Variants in AGBL4 observed in about 807,000 individuals in gnomAD.
AGBL4 encodes the protein AGBL carboxypeptidase 4, also known as cytosolic carboxypeptidase 6.
A neutral mutation model predicts 66.4 loss-of-function variants in AGBL4; 58 were observed. The ratio of observed to expected loss-of-function variants is 0.87; its 90% CI spans 0.71 to 1.09. The LOEUF (loss-of-function observed/expected upper bound fraction) is 1.09. Ranked by LOEUF, AGBL4 falls within the 50% of genes least tolerant of loss-of-function variation. The pLI is 0.00. For missense variants in AGBL4, 579 were observed against 631.0 expected (o/e 0.92, Z 0.88); for synonymous variants, 234 against 222.9 (o/e 1.05, Z -0.44).
chr1:49,979,983 T>C, intron 1 of AGBL4, among the ~76,000 whole-genome samples: 1 of 152,348 alleles, frequency 6.6e-6, no homozygotes, highest in Middle Eastern at 3.4e-3. Flanking sequence ...AGTATAGTAT[T>C]ATAAATGTAT....
At chr1:49,386,265 ATGTGTGTGTGTG>A (rs35497867) in intron 3 of AGBL4, among the ~76,000 whole-genome samples, 3 of 148,500 alleles carry the variant, frequency 2.0e-5, no homozygotes, top group Non-Finnish European at 4.5e-5. Flanking sequence ...GGATGGATGG[ATGTGTGTGTGTG>A]TGTGTGTGTG....
chr1:49,816,653 A>G (rs1449480782), intron 2 of AGBL4, among the ~76,000 whole-genome samples: 1 of 152,204 alleles, frequency 6.6e-6, no homozygotes, highest in Non-Finnish European at 1.5e-5. Flanking sequence ...ACAGAAAAGA[A>G]GGTATCAAGA....
Position 49,962,395 on chromosome 1 carries a change from T to C in AGBL4, c.34+61368A>G, listed in dbSNP as rs558560509. Among the ~76,000 whole-genome samples, 30 of 152,238 alleles carry C rather than the reference T, an allele frequency of 2.0e-4. 1 individual carries two copies. The highest frequency in any genetic ancestry group is 1.2e-3 in the South Asian group (6 of 4,830). ...TAACAGCAGCTTACATCAGGATAAA[T>C]AAAATACTTTTTCAAAGTGTGGGGC... On this transcript the variant is annotated intron_variant, in intron 1 of 13. Coordinates refer to ENST00000371839, the MANE Select transcript of AGBL4 (RefSeq NM_032785.4).
intron 2 of AGBL4, chr1:49,841,957 T>C: frequency 3.6e-6 from 2 of 561,578 alleles, no homozygotes; most frequent in Non-Finnish European, 6.5e-6. Context: ...GTCCTCCACC[T>C]CGTACCTGGC....
chr1:49,395,834 TATATATATATATATACACACATAA>T (rs1644959178), intron 3 of AGBL4, among the ~76,000 whole-genome samples: 1 of 72,744 alleles, frequency 1.4e-5, no homozygotes, highest in Non-Finnish European at 2.6e-5. Context: ...TATATGTGTA[TATATATATATATATACACACATAA>T]ATATATATAT....
intron 4 of AGBL4, among the ~76,000 whole-genome samples, chr1:49,047,063 C>T: frequency 6.6e-6 from 1 of 152,094 alleles, no homozygotes; most frequent in East Asian, 1.9e-4. Context: ...TTATAACATA[C>T]TAGTGTTTGT....
chr1:49,553,018 T>C (rs903600113), intron 3 of AGBL4, among the ~76,000 whole-genome samples: 1 of 152,188 alleles, frequency 6.6e-6, no homozygotes, highest in Non-Finnish European at 1.5e-5. Flanking sequence ...AAGTTTTTTA[T>C]TGTCAATGTA....
intron 5 of AGBL4, among the ~76,000 whole-genome samples, chr1:49,027,517 T>C (rs1210707985): frequency 6.6e-6 from 1 of 152,114 alleles, no homozygotes; most frequent in African/African-American, 2.4e-5. Flanking sequence ...ATTTGAACCA[T>C]GACCTGCTCA....
intron 5 of AGBL4, among the ~76,000 whole-genome samples, chr1:48,968,422 C>T (rs1292744771): frequency 6.6e-6 from 1 of 152,088 alleles, no homozygotes; most frequent in Non-Finnish European, 1.5e-5. Flanking sequence ...GGGGCATAGA[C>T]TGCAGAGGGC....
chr1:48,680,473 T>C (rs547964622), intron 6 of AGBL4, among the ~76,000 whole-genome samples: 1 of 152,320 alleles, frequency 6.6e-6, no homozygotes, highest in African/African-American at 2.4e-5. Flanking sequence ...TGCTAGAAGC[T>C]GACCTTGTAC....
intron 2 of AGBL4, among the ~76,000 whole-genome samples, chr1:49,840,111 T>C (rs1343331725): frequency 6.6e-6 from 1 of 152,170 alleles, no homozygotes; most frequent in Non-Finnish European, 1.5e-5. Context: ...GGTTTTTTTT[T>C]GGTTGGTAGT....
chr1:49,643,283 C>T (rs1645820070), intron 3 of AGBL4, among the ~76,000 whole-genome samples: 1 of 151,218 alleles, frequency 6.6e-6, no homozygotes, highest in Non-Finnish European at 1.5e-5. Flanking sequence ...AAAGAAGTTA[C>T]TCAGAGTAAT....
rs554962680 is a variant in AGBL4, at chr1:49,959,744, C to T, written c.34+64019G>A. On this transcript the variant is annotated intron_variant, in intron 1 of 13. Transcript: ENST00000371839. ...GACACATGCATACATATATTCATTG[C>T]AACACTATTCACAATAGCAAAGACA... Among the ~76,000 whole-genome samples, 11 of 152,158 alleles carry T rather than the reference C, an allele frequency of 7.2e-5. No individual in the cohort carries two copies. The South Asian group carries it at 2.1e-3, about 29-fold the overall frequency.
At chr1:49,977,526 A>G (rs1402720380) in intron 1 of AGBL4, among the ~76,000 whole-genome samples, 2 of 152,258 alleles carry the variant, frequency 1.3e-5, no homozygotes, top group East Asian at 1.9e-4. Flanking sequence ...GTATGTGAGG[A>G]CAGCATTTCC....
intron 3 of AGBL4, among the ~76,000 whole-genome samples, chr1:49,687,503 G>A (rs532093240): frequency 6.6e-6 from 1 of 152,124 alleles, no homozygotes; most frequent in Non-Finnish European, 1.5e-5. Context: ...AGAGCACAAC[G>A]GTTCATGTCC....
chr1:49,890,758 C>T (rs984230373), intron 1 of AGBL4, among the ~76,000 whole-genome samples: 7 of 152,062 alleles, frequency 4.6e-5, no homozygotes, highest in Non-Finnish European at 1.5e-5. Flanking sequence ...ATTCACCAGC[C>T]AAAAACAGAA....
At chr1:49,614,342 T>C (rs1199349226) in intron 3 of AGBL4, among the ~76,000 whole-genome samples, 1 of 152,162 alleles carries the variant, frequency 6.6e-6, no homozygotes, top group Non-Finnish European at 1.5e-5. Flanking sequence ...TCTCTCAATA[T>C]TGTTTTTGTG....
chr1:49,697,547 A>C lies in AGBL4; in HGVS notation c.158-110T>G, dbSNP rs144908778. 6,101 of 904,302 alleles carry C rather than the reference A, an allele frequency of 6.7e-3. 30 individuals carry two copies. The highest frequency in any genetic ancestry group is 8.5e-3 in the Non-Finnish European group (5,369 of 632,196). 56.0% of individuals were successfully genotyped at this position (904,302 alleles called of 1,614,324 possible). ...ATAGTGGCATTTGTCAACATTCAGT[A>C]CTTGAAGGTTCAGTGTTCACAATCC... On this transcript the variant is annotated intron_variant, in intron 2 of 13. Transcript: ENST00000371839.
intron 3 of AGBL4, among the ~76,000 whole-genome samples, chr1:49,502,868 T>A (rs890389339): frequency 5.9e-5 from 9 of 152,116 alleles, no homozygotes; most frequent in Non-Finnish European, 1.2e-4. Flanking sequence ...CATAAAAATT[T>A]GGAAAATTTG....
Sources: gnomAD v4.1 joint callset for allele counts (sites outside exome capture counted in the v4.1 genomes callset) on GRCh38, gnomAD v4.1.1 for gene constraint, MANE v1.5 for transcripts, NCBI Gene and HGNC (gene_info 2026-07-23, HGNC 2026-07-21) for gene names.